Variants in SEMA3A observed in about 807,000 individuals in gnomAD.
SEMA3A encodes semaphorin-3A.
A neutral mutation model predicts 97.9 loss-of-function variants in SEMA3A; 29 were observed. That is an observed-to-expected ratio of 0.30 (90% confidence interval 0.22 to 0.40). SEMA3A has a LOEUF of 0.40. SEMA3A is among the 10% of genes least tolerant of loss of function. The pLI, the probability that SEMA3A is intolerant of heterozygous loss-of-function variation, is 1.00. For synonymous variants in SEMA3A, 321 were observed against 323.7 expected (o/e 0.99, Z 0.09); for missense variants, 763 against 951.3 (o/e 0.80, Z 2.60).
intron 3 of SEMA3A, among the ~76,000 whole-genome samples, chr7:84,273,538 C>T (rs762624036): frequency 6.6e-6 from 1 of 152,086 alleles, no homozygotes; most frequent in Non-Finnish European, 1.5e-5. Context: ...ACCTGAATGT[C>T]GCACATTTTC....
At position 84,230,249 on chromosome 7, in the gene SEMA3A, T is replaced by C. The variant is rs974954928; in HGVS notation, c.-82-35581A>G. Among the ~76,000 whole-genome samples the C allele has an allele frequency of 6.6e-5, 10 of 152,154 alleles. No individual in the cohort carries two copies. In the South Asian group the frequency reaches 8.3e-4, roughly 13 times the overall value. ...ATACTCACTTTTTATCGAGGTTTTA[T>C]CCCTGCTCTTTTTTCTTTTCAGTCT... On this transcript the variant is annotated intron_variant, in intron 3 of 3. Coordinates refer to the SEMA3A transcript ENST00000424555.
At chr7:84,143,094 G>T in intron 1 of SEMA3A, among the ~76,000 whole-genome samples, 1 of 152,040 alleles carries the variant, frequency 6.6e-6, no homozygotes, top group East Asian at 1.9e-4. Context: ...TCCCCATAAT[G>T]TCTTTCCTGG....
intron 3 of SEMA3A, among the ~76,000 whole-genome samples, chr7:84,290,758 C>G (rs1472557916): frequency 6.6e-6 from 1 of 152,078 alleles, no homozygotes; most frequent in Non-Finnish European, 1.5e-5. Flanking sequence ...AAATATGTTA[C>G]CTCTACTGGA....
At chr7:83,988,193 C>G (rs1019352758) in intron 12 of SEMA3A, among the ~76,000 whole-genome samples, 1 of 151,848 alleles carries the variant, frequency 6.6e-6, no homozygotes, top group South Asian at 2.1e-4. Context: ...ATTTTTCTTC[C>G]CTAATAAGCT....
At chr7:84,202,324 C>A (rs1265829153) in intron 3 of SEMA3A, among the ~76,000 whole-genome samples, 2 of 151,968 alleles carry the variant, frequency 1.3e-5, no homozygotes, top group African/African-American at 2.4e-5. Context: ...AACAATATGT[C>A]CTATACAGTT....
At chr7:83,969,259 T>C (rs1377201840) in intron 15 of SEMA3A, among the ~76,000 whole-genome samples, 1 of 152,168 alleles carries the variant, frequency 6.6e-6, no homozygotes, top group Non-Finnish European at 1.5e-5. Flanking sequence ...AATCTTAAAA[T>C]CCTTTATTGA....
At chr7:84,206,897 T>G (rs959558573) in intron 3 of SEMA3A, among the ~76,000 whole-genome samples, 1 of 152,192 alleles carries the variant, frequency 6.6e-6, no homozygotes, top group African/African-American at 2.4e-5. Flanking sequence ...TTACATATTA[T>G]AGTAAATATC....
rs1236030549 is a variant in SEMA3A at position 84,160,805 on chromosome 7, G to A, written c.113-25854C>T. Among the ~76,000 whole-genome samples the A allele has an allele frequency of 3.4e-5, 5 of 148,432 alleles. No homozygotes were observed. The East Asian group carries it at 8.2e-4, about 24-fold the overall frequency. Reference sequence around the variant, plus strand: ...TGAGGCAGGAGAATTGCTTGAACCCGGGAGGAGGAGGTTGCAGTGAGCCGA... The same window carrying A: ...TGAGGCAGGAGAATTGCTTGAACCCAGGAGGAGGAGGTTGCAGTGAGCCGA... On this transcript the variant is annotated intron_variant, in intron 1 of 16. Transcript: ENST00000265362.
At chr7:84,261,073 G>T (rs1044373326) in intron 3 of SEMA3A, among the ~76,000 whole-genome samples, 1 of 152,180 alleles carries the variant, frequency 6.6e-6, no homozygotes, top group African/African-American at 2.4e-5. Flanking sequence ...ATTACCAACT[G>T]TGAGAAGGAG....
intron 1 of SEMA3A, among the ~76,000 whole-genome samples, chr7:84,403,252 C>A (rs144785444): frequency 0.034 from 5,243 of 152,240 alleles, 292 homozygotes; most frequent in African/African-American, 0.12. Context: ...AGATTATATC[C>A]CACACATGGC....
chr7:84,103,576 G>C (rs1265941487), intron 4 of SEMA3A, among the ~76,000 whole-genome samples: 1 of 151,870 alleles, frequency 6.6e-6, no homozygotes, highest in Non-Finnish European at 1.5e-5. Context: ...AAGGTATTCT[G>C]ATTTCAGGAA....
intron 4 of SEMA3A, among the ~76,000 whole-genome samples, chr7:84,107,864 A>AG (rs1795155973): frequency 6.6e-6 from 1 of 152,150 alleles, no homozygotes; most frequent in Non-Finnish European, 1.5e-5. Flanking sequence ...CACATTTAAA[A>AG]GGGGGAAGTT....
chr7:84,485,183 A>G (rs1299000156), intron 1 of SEMA3A, among the ~76,000 whole-genome samples: 3 of 152,160 alleles, frequency 2.0e-5, no homozygotes, highest in Admixed American at 1.3e-4. Context: ...AATATTTTAA[A>G]TAAAATGTAA....
chr7:84,047,928 G>A (rs2115592624), intron 5 of SEMA3A, among the ~76,000 whole-genome samples: 1 of 151,920 alleles, frequency 6.6e-6, no homozygotes, highest in South Asian at 2.1e-4. Context: ...TTATATGTCT[G>A]AATAGACTTG....
At chr7:84,371,187 G>T (rs1323499713) in intron 2 of SEMA3A, among the ~76,000 whole-genome samples, 4 of 151,604 alleles carry the variant, frequency 2.6e-5, no homozygotes, top group African/African-American at 9.7e-5. Flanking sequence ...TTATTATCTT[G>T]TTCCTTCAGA....
chr7:84,292,223 C>G (rs1406097499), intron 3 of SEMA3A, among the ~76,000 whole-genome samples: 1 of 152,028 alleles, frequency 6.6e-6, no homozygotes, highest in African/African-American at 2.4e-5. Context: ...TTCAATGCCA[C>G]TGCAGCTGTG....
At chr7:84,396,792 T>A (rs1365358607) in intron 1 of SEMA3A, among the ~76,000 whole-genome samples, 1 of 152,036 alleles carries the variant, frequency 6.6e-6, no homozygotes, top group Non-Finnish European at 1.5e-5. Flanking sequence ...TTTACTTTCT[T>A]ATCTCAAAAA....
chr7:84,000,579 TG>T (rs936880977), intron 12 of SEMA3A, among the ~76,000 whole-genome samples: 2 of 152,126 alleles, frequency 1.3e-5, no homozygotes, highest in Admixed American at 6.6e-5. Context: ...TCCATTATCC[TG>T]GTGAAATAGG....
chr7:84,243,415 C>T (rs149775034), intron 3 of SEMA3A, among the ~76,000 whole-genome samples: 4,267 of 152,106 alleles, frequency 0.028, 208 homozygotes, highest in African/African-American at 0.097. Flanking sequence ...TTCTTCTAGA[C>T]TTTCTAGTTT....
Sources: gnomAD v4.1 joint callset for allele counts (sites outside exome capture counted in the v4.1 genomes callset) on GRCh38, gnomAD v4.1.1 for gene constraint, MANE v1.5 for transcripts, NCBI Gene and HGNC (gene_info 2026-07-23, HGNC 2026-07-21) for gene names.